The following PCDHGA3 variants were observed in gnomAD, a reference collection of about 807,000 sequenced individuals.
PCDHGA3 encodes the protein protocadherin gamma-A3.
PCDHGA3 carries 40 observed loss-of-function variants against 58.5 expected under a neutral mutation model. That is an observed-to-expected ratio of 0.68 (90% CI 0.53 to 0.89). The LOEUF (loss-of-function observed/expected upper bound fraction) is 0.89. Ranked by LOEUF, PCDHGA3 falls within the 40% of genes least tolerant of loss-of-function variation. PCDHGA3 has a pLI of 0.00. For missense variants in PCDHGA3, 1,223 were observed against 1,195.9 expected, an observed-to-expected ratio of 1.02 and a Z score of -0.33; for synonymous variants, 530 against 525.7, an observed-to-expected ratio of 1.01 and a Z score of -0.11.
chr5:141,401,836 A>G (rs1400731084), intron 1 of PCDHGA3, among the ~76,000 whole-genome samples: 3 of 152,204 alleles, frequency 2.0e-5, no homozygotes, highest in Admixed American at 1.3e-4. Flanking sequence ...GATTTCTTAT[A>G]ATACCACTTA....
intron 1 of PCDHGA3, chr5:141,385,279 T>C (rs1781077881): frequency 1.2e-6 from 2 of 1,613,486 alleles, no homozygotes; most frequent in African/African-American, 2.7e-5. Flanking sequence ...TTTGCTAACA[T>C]CCGTAGATTT....
At position 141,418,595 on chromosome 5, in the gene PCDHGA3, G is replaced by A. The variant is rs1331897624; in HGVS notation, c.2424+72138G>A. The A allele has an allele frequency of 2.5e-6, 4 of 1,613,928 alleles. No individual in the cohort carries two copies. Among genetic ancestry groups the A allele is most frequent in the Admixed American group, 3.3e-5 (2 of 60,006 alleles). On this transcript the variant is annotated intron_variant, in intron 1 of 3. Transcript: ENST00000253812. ...CAACCCCCCAGTGTTCAGCCAGGAC[G>A]TGTACAGGGTTAGCCTTCGGGAAGA...
At position 141,400,246 on chromosome 5, in the gene PCDHGA3, G is replaced by T. The variant is rs373890751; in HGVS notation, c.2424+53789G>T. 4 of 1,613,986 alleles carry T rather than the reference G, an allele frequency of 2.5e-6. No individual in the cohort carries two copies. In the East Asian group the frequency reaches 6.7e-5, roughly 27 times the overall value. Reference sequence around the variant, plus strand: ...CTTCCTCCTGGCCGTGATTCTGGCCGTTGCCTTGCGCCTGCGACGCTCCTC... The same window carrying T: ...CTTCCTCCTGGCCGTGATTCTGGCCTTTGCCTTGCGCCTGCGACGCTCCTC... On this transcript the variant is annotated intron_variant, in intron 1 of 3. Transcript: ENST00000253812.
At chr5:141,478,759 A>G in intron 1 of PCDHGA3, 2 of 1,514,800 alleles carry the variant, frequency 1.3e-6, no homozygotes, top group African/African-American at 1.4e-5. Flanking sequence ...GGGGGAAGAT[A>G]CTTGACTCAT....
intron 1 of PCDHGA3, among the ~76,000 whole-genome samples, chr5:141,363,020 A>G (rs538916334): frequency 6.6e-6 from 1 of 152,380 alleles, no homozygotes; most frequent in South Asian, 2.1e-4. Flanking sequence ...CATGGGTAGG[A>G]CATTGTCCCA....
In PCDHGA3 at chr5:141,490,376, C is replaced by T. The variant is rs761956816; in HGVS notation, c.2425-4431C>T. 2 of 1,614,184 alleles carry T rather than the reference C, an allele frequency of 1.2e-6. No individual in the cohort carries two copies. The highest frequency in any genetic ancestry group is 1.7e-6 in the Non-Finnish European group (2 of 1,180,036). ...TTGTTTAATGTGCGAGACCGGGACT[C>T]AGGTAGAAATGGTGAAGTGAGCCTT... is the stretch of plus-strand genomic sequence containing the variant. On this transcript the variant is annotated intron_variant, in intron 1 of 3. Transcript: ENST00000253812. The surrounding 1 kb of genome is among the most constrained non-coding windows in gnomAD (Gnocchi z 5.4).
intron 2 of PCDHGA3, among the ~76,000 whole-genome samples, chr5:141,503,744 A>G (rs1310696654): frequency 2.0e-5 from 3 of 152,112 alleles, no homozygotes; most frequent in African/African-American, 4.8e-5. Context: ...GATGGTATAG[A>G]GGTCACACAT....
intron 1 of PCDHGA3, chr5:141,374,293 T>C (rs369929839): frequency 1.2e-6 from 2 of 1,613,788 alleles, no homozygotes; most frequent in African/African-American, 1.3e-5. Context: ...TCTCCAGAGG[T>C]AGGATGCAGC....
At chr5:141,387,837 T>G (rs2091115137) in intron 1 of PCDHGA3, 1 of 1,597,490 alleles carries the variant, frequency 6.3e-7, no homozygotes, top group African/African-American at 1.3e-5. Flanking sequence ...AGGTTATTTG[T>G]AACCCGGCGT....
intron 1 of PCDHGA3, chr5:141,366,152 C>G: frequency 1.2e-6 from 2 of 1,614,138 alleles, no homozygotes; most frequent in Non-Finnish European, 1.7e-6. Context: ...GTCCTACCGC[C>G]TGCTTAAGGC....
At chr5:141,473,501 G>C (rs1053399138) in intron 1 of PCDHGA3, among the ~76,000 whole-genome samples, 7 of 152,188 alleles carry the variant, frequency 4.6e-5, no homozygotes, top group African/African-American at 1.7e-4. Context: ...GGTGTTCTGA[G>C]AGAGCATAAC....
rs1275819200 is a variant in PCDHGA3, at chr5:141,491,620, A to G, written c.2425-3187A>G. 5 of 1,613,788 alleles carry G rather than the reference A, an allele frequency of 3.1e-6. No individual in the cohort carries two copies. Among genetic ancestry groups the G allele is most frequent in the Non-Finnish European group, 4.2e-6 (5 of 1,180,014 alleles). On this transcript the variant is annotated intron_variant, in intron 1 of 3. Coordinates refer to ENST00000253812, the MANE Select transcript of PCDHGA3 (RefSeq NM_018916.4). The surrounding 1 kb of genome is among the most constrained non-coding windows in gnomAD (Gnocchi z 6.9). ...TGACTTCACTTTTCTAAGACCCCTC[A>G]GCGTTCAGCAGCCCACAGCTCTGGC...
chr5:141,431,907 T>A lies in PCDHGA3; in HGVS notation c.2425-62900T>A, dbSNP rs2097427946. 2 of 1,613,964 alleles carry A rather than the reference T, an allele frequency of 1.2e-6. No homozygotes were observed. Among genetic ancestry groups the A allele is most frequent in the South Asian group, 2.2e-5 (2 of 91,086 alleles). Reference sequence around the variant, plus strand: ...GATTCTGAGGAAAACGGACAGGTGATCTGTTTCATCCAAGGAAATCTGCCC... The same window carrying A: ...GATTCTGAGGAAAACGGACAGGTGAACTGTTTCATCCAAGGAAATCTGCCC... On this transcript the variant is annotated intron_variant, in intron 1 of 3. Transcript: ENST00000253812. This position sits in a 1 kb window ranked among gnomAD's most constrained non-coding sequence, Gnocchi z 4.8.
chr5:141,477,087 C>A lies in PCDHGA3; in HGVS notation c.2425-17720C>A, dbSNP rs748424193. 14 of 1,614,244 alleles carry A rather than the reference C, an allele frequency of 8.7e-6. No individual in the cohort carries two copies. Among genetic ancestry groups the A allele is most frequent in the Non-Finnish European group, 8.5e-7 (1 of 1,180,048 alleles). On this transcript the variant is annotated intron_variant, in intron 1 of 3. Transcript: ENST00000253812. This position sits in a 1 kb window ranked among gnomAD's most constrained non-coding sequence, Gnocchi z 4.9. ...AAACTCCATGAGATTTACATCCAGG[C>A]CAAAGACAAGGGCGCCAATCCCGAA...
chr5:141,438,450 A>G (rs1017249043), intron 1 of PCDHGA3, among the ~76,000 whole-genome samples: 32 of 151,738 alleles, frequency 2.1e-4, no homozygotes, highest in African/African-American at 7.5e-4. Flanking sequence ...ACTCAATACA[A>G]TGCTTGAGTT....
At position 141,376,027 on chromosome 5, in the gene PCDHGA3, C is replaced by T. The variant is rs750383085; in HGVS notation, c.2424+29570C>T. The T allele has an allele frequency of 1.9e-6, 3 of 1,613,250 alleles. No homozygotes were observed. In the East Asian group the frequency reaches 6.7e-5, roughly 36 times the overall value. ...AGAGCCTAGTGGTGGCCGTCCAGGACCACGGCCAGCCCCCTCTCTCCGCCA... is the reference window on the plus strand; with the variant it reads ...AGAGCCTAGTGGTGGCCGTCCAGGATCACGGCCAGCCCCCTCTCTCCGCCA... On this transcript the variant is annotated intron_variant, in intron 1 of 3. Coordinates refer to ENST00000253812, the MANE Select transcript of PCDHGA3 (RefSeq NM_018916.4).
rs200045647 is a variant in PCDHGA3, at chr5:141,490,150, G to A, written c.2425-4657G>A. 50 of 1,614,246 alleles carry A rather than the reference G, an allele frequency of 3.1e-5. No individual in the cohort carries two copies. The Admixed American group carries it at 7.7e-4, about 25-fold the overall frequency. On this transcript the variant is annotated intron_variant, in intron 1 of 3. Transcript: ENST00000253812. The surrounding 1 kb of genome is among the most constrained non-coding windows in gnomAD (Gnocchi z 5.4). ...AGACCCTAGCAGTGGGGCAATCCAT[G>A]TGTTGGGTCCCATAGACTTTGAGGA...
intron 1 of PCDHGA3, chr5:141,441,104 T>C (rs1158565054): frequency 6.6e-6 from 1 of 152,204 alleles, no homozygotes; most frequent in Non-Finnish European, 1.5e-5. Flanking sequence ...GAGGGACTCA[T>C]TGTCCAGTGT....
chr5:141,356,659 A>T (rs779642478), intron 1 of PCDHGA3: 13 of 1,613,932 alleles, frequency 8.1e-6, no homozygotes, highest in Non-Finnish European at 1.0e-5. Flanking sequence ...CAATGCCCGA[A>T]TCACTTACTC....
Sources: allele counts gnomAD v4.1 joint callset (sites outside exome capture counted in the v4.1 genomes callset), GRCh38; gene constraint gnomAD v4.1.1; non-coding constraint Gnocchi (gnomAD v3.1); transcripts MANE v1.5; gene names NCBI Gene and HGNC (gene_info 2026-07-23, HGNC 2026-07-21).